Variants in STEAP3 observed in about 807,000 individuals in gnomAD.
STEAP3 encodes the protein metalloreductase STEAP3.
In STEAP3, 35 loss-of-function variants were observed where a neutral mutation model predicts 34.9. The observed-to-expected ratio is 1.00, with a 90% CI of 0.76 to 1.33. The LOEUF (loss-of-function observed/expected upper bound fraction) is 1.33, where lower values mean the gene tolerates loss of function less well. STEAP3 is among the 40% of genes most tolerant of loss of function. The probability of loss-of-function intolerance (pLI) is 0.00; values close to 1 mark genes in which losing one functional copy is unlikely to be tolerated. For missense variants in STEAP3, 652 were observed against 667.6 expected, an observed-to-expected ratio of 0.98 and a Z score of 0.26; for synonymous variants, 281 against 301.6, an observed-to-expected ratio of 0.93 and a Z score of 0.71.
At chr2:119,243,936 G>A (rs1002275282) in intron 2 of STEAP3, among the ~76,000 whole-genome samples, 1 of 152,214 alleles carries the variant, frequency 6.6e-6, no homozygotes, top group Non-Finnish European at 1.5e-5. Context: ...CCCATGGAGG[G>A]TGTTGAAAGC....
chr2:119,225,254 G>A (rs1198090802), intron 1 of STEAP3, among the ~76,000 whole-genome samples: 1 of 152,248 alleles, frequency 6.6e-6, no homozygotes, highest in East Asian at 1.9e-4. Context: ...GGGCTGGCAA[G>A]GAGCAGGTGC....
intron 4 of STEAP3, 55 bp downstream of exon 4, chr2:119,248,261 ACCTC>A: frequency 1.4e-6 from 2 of 1,395,078 alleles, no homozygotes; most frequent in Non-Finnish European, 1.9e-6. Context: ...CTTGTCCAGC[ACCTC>A]CCCCCCCCAC....
chr2:119,252,560 A>G (rs976755938), intron 4 of STEAP3, among the ~76,000 whole-genome samples: 10 of 152,146 alleles, frequency 6.6e-5, no homozygotes, highest in African/African-American at 2.4e-4. Flanking sequence ...TCTCTTGTTG[A>G]TGAACACTCT....
chr2:119,231,741 A>T (rs180710557), intron 2 of STEAP3, among the ~76,000 whole-genome samples: 1 of 152,268 alleles, frequency 6.6e-6, no homozygotes, highest in Non-Finnish European at 1.5e-5. Context: ...TTTTTTAATG[A>T]TGTCTAAATA....
chr2:119,240,418 C>A (rs1227066538), intron 2 of STEAP3, among the ~76,000 whole-genome samples: 1 of 152,234 alleles, frequency 6.6e-6, no homozygotes, highest in Admixed American at 6.5e-5. Context: ...GTGGCCCCAG[C>A]ACCTCAATCC....
At position 119,254,723 on chromosome 2, in the gene STEAP3, G is replaced by T. The variant is rs762342724; in HGVS notation, c.1090G>T (p.Val364Phe). Reference protein sequence around the residue: ...NKSHLWVEEEVWRMEIYLSLG... With the variant: ...NKSHLWVEEEFWRMEIYLSLG... ...GAGCCACCTCTGGGTGGAGGAGGAGGTCTGGCGGATGGAGATCTACCTCTC... is the reference window on the plus strand; with the variant it reads ...GAGCCACCTCTGGGTGGAGGAGGAGTTCTGGCGGATGGAGATCTACCTCTC... The change falls in exon 5 of 6, where the codon GTC (valine) becomes TTC (phenylalanine). Residue 364 changes from valine (V) to phenylalanine (F), a missense_variant. Physicochemically the swap from Val to Phe is conservative, Grantham distance 50 (BLOSUM62 -1). Coordinates refer to ENST00000393110, the MANE Select transcript of STEAP3 (RefSeq NM_182915.3). The T allele has an allele frequency of 8.1e-6, 13 of 1,613,996 alleles. No individual in the cohort carries two copies. The highest frequency in any genetic ancestry group is 1.1e-5 in the Non-Finnish European group (13 of 1,180,018).
intron 1 of STEAP3, among the ~76,000 whole-genome samples, chr2:119,229,387 G>A (rs1340513179): frequency 6.6e-6 from 1 of 152,172 alleles, no homozygotes; most frequent in Non-Finnish European, 1.5e-5. Context: ...GGGCACTTAG[G>A]TCCCTCCCTC....
chr2:119,254,115 T>C (rs115746244), intron 4 of STEAP3, among the ~76,000 whole-genome samples: 2,239 of 151,870 alleles, frequency 0.015, 61 homozygotes, highest in African/African-American at 0.052. Context: ...GGGGGCAGTG[T>C]GGGGCTCCAG....
intron 1 of STEAP3, 119 bp from the exon 2 acceptor site, chr2:119,230,500 TC>T (rs946655569): frequency 1.8e-5 from 3 of 163,238 alleles, no homozygotes; most frequent in African/African-American, 7.1e-5. Context: ...GCAATAAATT[TC>T]CCCCACAGAA....
chr2:119,241,943 T>G (rs1290590378), intron 2 of STEAP3, among the ~76,000 whole-genome samples: 2 of 152,220 alleles, frequency 1.3e-5, no homozygotes, highest in African/African-American at 2.4e-5. Flanking sequence ...CGTGAAGCCG[T>G]CCTGGCTTCC....
chr2:119,259,684 C>A (rs142365822), intron 5 of STEAP3, among the ~76,000 whole-genome samples: 328 of 152,318 alleles, frequency 2.2e-3, no homozygotes, highest in African/African-American at 7.2e-3. Context: ...GGACAGTGGC[C>A]CACACAGACC....
chr2:119,240,454 G>A (rs922772921), intron 2 of STEAP3, among the ~76,000 whole-genome samples: 8 of 152,300 alleles, frequency 5.3e-5, no homozygotes, highest in Admixed American at 2.0e-4. Context: ...CAAACCCTCC[G>A]TGGCCACAGC....
intron 4 of STEAP3, among the ~76,000 whole-genome samples, chr2:119,250,317 G>A (rs539399327): frequency 6.6e-6 from 1 of 152,344 alleles, no homozygotes; most frequent in Admixed American, 6.5e-5. Context: ...GAGGCCTGAA[G>A]GCTAGAGGCT....
chr2:119,232,698 G>T (rs1676982913), intron 2 of STEAP3, among the ~76,000 whole-genome samples: 1 of 152,194 alleles, frequency 6.6e-6, no homozygotes, highest in Admixed American at 6.5e-5. Context: ...CACTTTACCT[G>T]ACTGGGAGAT....
At chr2:119,262,327 A>ACACACAC (rs1287829915) in intron 5 of STEAP3, among the ~76,000 whole-genome samples, 2 of 139,690 alleles carry the variant, frequency 1.4e-5, no homozygotes. Flanking sequence ...CATAACTAGT[A>ACACACAC]AAATTTATAC....
At chr2:119,228,334 G>A (rs758632221) in intron 1 of STEAP3, among the ~76,000 whole-genome samples, 2 of 152,198 alleles carry the variant, frequency 1.3e-5, no homozygotes, top group Non-Finnish European at 2.9e-5. Context: ...CCTGCCCATT[G>A]CCACAGTGGG....
At chr2:119,224,086 T>A (rs1451113672) in intron 1 of STEAP3, among the ~76,000 whole-genome samples, 198 bp downstream of exon 1, 1 of 152,174 alleles carries the variant, frequency 6.6e-6, no homozygotes, top group African/African-American at 2.4e-5. Flanking sequence ...CCACCCCGTG[T>A]GCCTTCCTTC....
intron 5 of STEAP3, chr2:119,257,826 A>C (rs553266147): frequency 2.0e-6 from 2 of 990,284 alleles, no homozygotes; most frequent in Non-Finnish European, 2.6e-6. Context: ...GCCTTGGCTG[A>C]CCCCTAGATC....
chr2:119,225,144 T>C (rs1678999590), intron 1 of STEAP3, among the ~76,000 whole-genome samples: 2 of 152,332 alleles, frequency 1.3e-5, no homozygotes, highest in South Asian at 4.1e-4. Context: ...GTTAAAAATA[T>C]AGATCCCCAA....
Sources: gnomAD v4.1 joint callset for allele counts (sites outside exome capture counted in the v4.1 genomes callset) on GRCh38, gnomAD v4.1.1 for gene constraint, MANE v1.5 for transcripts, NCBI Gene and HGNC (gene_info 2026-07-23, HGNC 2026-07-21) for gene names.